Variants in FLT1 observed in about 807,000 individuals in gnomAD.
The protein encoded by FLT1 is fms related receptor tyrosine kinase 1.
A neutral mutation model predicts 156.3 loss-of-function variants in FLT1; 49 were observed. That is an observed-to-expected ratio of 0.31 (90% CI 0.25 to 0.40). The LOEUF (loss-of-function observed/expected upper bound fraction) is 0.40, where lower values mean the gene tolerates loss of function less well. Ranked by LOEUF, FLT1 falls within the 10% of genes least tolerant of loss-of-function variation. FLT1 has a pLI of 1.00. For synonymous variants in FLT1, 594 were observed against 583.8 expected (o/e 1.02, Z -0.25); for missense variants, 1,322 against 1,637.2 (o/e 0.81, Z 3.32).
chr13:28,479,488 T>C (rs867811733), intron 1 of FLT1, among the ~76,000 whole-genome samples: 1 of 152,208 alleles, frequency 6.6e-6, no homozygotes, highest in African/African-American at 2.4e-5. Context: ...TTGTAAGAGC[T>C]GTGCTTTCCT....
chr13:28,318,671 A>T (rs773886295), intron 24 of FLT1, among the ~76,000 whole-genome samples: 2 of 151,840 alleles, frequency 1.3e-5, no homozygotes, highest in Non-Finnish European at 2.9e-5. Flanking sequence ...ATTTTCACAC[A>T]TTACAGGAAA....
intron 18 of FLT1, among the ~76,000 whole-genome samples, chr13:28,330,634 A>G (rs982341321): frequency 2.1e-5 from 3 of 145,668 alleles, no homozygotes; most frequent in African/African-American, 5.3e-5. Flanking sequence ...ATATGACTAT[A>G]TATAGTCTAT....
In FLT1 at chr13:28,301,809, G is replaced by A. The variant is rs1379578423; in HGVS notation, c.*1358C>T. 3 of 233,446 alleles carry A rather than the reference G, an allele frequency of 1.3e-5. No individual in the cohort carries two copies. The highest frequency in any genetic ancestry group is 4.4e-5 in the African/African-American group (2 of 45,350). The allele number at this position is 233,446 out of a possible 1,614,324, so 14.5% of individuals were successfully genotyped here. A position where few individuals can be genotyped will look rare whatever the true frequency, so the allele number is the denominator to read the frequency against. On this transcript the variant is annotated 3_prime_UTR_variant, in exon 30 of 30. Coordinates refer to ENST00000282397, the MANE Select transcript of FLT1 (RefSeq NM_002019.4). ...CAGACCCCAGGCAAGTTTCAAAGCA[G>A]TTGAAAATGGGCTTTTCTTCTAGTG...
At chr13:28,420,440 C>T (rs768660906) in intron 10 of FLT1, among the ~76,000 whole-genome samples, 4 of 152,128 alleles carry the variant, frequency 2.6e-5, no homozygotes, top group Non-Finnish European at 5.9e-5. Flanking sequence ...ACACACACTG[C>T]ATAGAATATA....
chr13:28,351,065 T>G (rs1872723390), intron 15 of FLT1, among the ~76,000 whole-genome samples: 1 of 152,110 alleles, frequency 6.6e-6, no homozygotes, highest in Admixed American at 6.6e-5. Flanking sequence ...AGAGTAATTT[T>G]TTTTCATTGA....
chr13:28,355,429 A>T (rs977954336), intron 15 of FLT1, among the ~76,000 whole-genome samples: 2 of 152,226 alleles, frequency 1.3e-5, no homozygotes, highest in African/African-American at 4.8e-5. Flanking sequence ...GTACTGTCTC[A>T]AAGTTTATAA....
At chr13:28,376,751 T>C (rs1240720589) in intron 14 of FLT1, among the ~76,000 whole-genome samples, 1 of 152,184 alleles carries the variant, frequency 6.6e-6, no homozygotes, top group Admixed American at 6.6e-5. Flanking sequence ...TTTTACGACC[T>C]CATTGGAGAA....
At chr13:28,323,444 G>A (rs569238711) in intron 20 of FLT1, among the ~76,000 whole-genome samples, 1 of 152,222 alleles carries the variant, frequency 6.6e-6, no homozygotes, top group South Asian at 2.1e-4. Context: ...GTGAGGTCGG[G>A]AGTTTGAGAT....
intron 17 of FLT1, among the ~76,000 whole-genome samples, chr13:28,335,689 C>T (rs368069999): frequency 6.6e-6 from 1 of 152,164 alleles, no homozygotes; most frequent in Non-Finnish European, 1.5e-5. Flanking sequence ...AGAGAGAACA[C>T]TGGGGAGACG....
At chr13:28,387,178 G>T in intron 13 of FLT1, 1 of 1,035,134 alleles carries the variant, frequency 9.7e-7, no homozygotes, top group Non-Finnish European at 1.2e-6. Context: ...GCTGCAGAAC[G>T]TACATGGGAC....
At chr13:28,383,294 A>G (rs896594328) in intron 14 of FLT1, among the ~76,000 whole-genome samples, 6 of 152,148 alleles carry the variant, frequency 3.9e-5, no homozygotes, top group Non-Finnish European at 7.4e-5. Flanking sequence ...AGTTCCAAAA[A>G]CCAAAGAACT....
At chr13:28,417,460 C>T (rs1013418) in intron 10 of FLT1, among the ~76,000 whole-genome samples, 3,544 of 152,144 alleles carry the variant, frequency 0.023, 149 homozygotes, top group African/African-American at 0.08. Context: ...ATGGTCGGCT[C>T]GTTTGGCCAG....
chr13:28,464,364 T>C (rs1203445094), intron 3 of FLT1, among the ~76,000 whole-genome samples: 1 of 152,200 alleles, frequency 6.6e-6, no homozygotes, highest in East Asian at 1.9e-4. Context: ...ACATGATAAA[T>C]ACATGACCTA....
At position 28,387,868 on chromosome 13, in the gene FLT1, A is replaced by G. The variant is rs559707097; in HGVS notation, c.1969+1928T>C. On this transcript the variant is annotated intron_variant, in intron 13 of 29. Transcript: ENST00000282397. ...TTACACAGTGAACAACTAATACTCT[A>G]TGGAATTCTTAAACTCATCTCTTGG... 3 of 1,058,098 alleles carry G rather than the reference A, an allele frequency of 2.8e-6. No individual in the cohort carries two copies. The Admixed American group carries it at 1.6e-4, about 57-fold the overall frequency. 65.5% of individuals were successfully genotyped at this position (1,058,098 alleles called of 1,614,324 possible).
chr13:28,438,147 A>C (rs1204280337), intron 4 of FLT1, 74 bp downstream of exon 4: 1 of 1,462,850 alleles, frequency 6.8e-7, no homozygotes, highest in African/African-American at 1.4e-5. Flanking sequence ...TATTCCAGAA[A>C]GATAGAACGA....
intron 3 of FLT1, among the ~76,000 whole-genome samples, chr13:28,447,201 G>T (rs1878666921): frequency 6.9e-6 from 1 of 144,308 alleles, no homozygotes; most frequent in Admixed American, 7.3e-5. Flanking sequence ...ATATATATTT[G>T]CAAAAGGGTC....
In FLT1 at chr13:28,322,939, G is replaced by C; in HGVS notation, c.2804C>G (p.Ala935Gly). The change falls in exon 21 of 30, where the codon GCA (alanine) becomes GGA (glycine). Residue 935 changes from alanine (A) to glycine (G), a missense_variant. Physicochemically the swap from Ala to Gly is moderately conservative, Grantham distance 60. Coordinates refer to ENST00000282397, the MANE Select transcript of FLT1 (RefSeq NM_002019.4). The surrounding 1 kb of genome is among the most constrained non-coding windows in gnomAD (Gnocchi z 4.3). ...RDLFFLNKDA[A>G]LHMEPKKEKM... Reference sequence around the variant, plus strand: ...TTCTTTCTTAGGCTCCATGTGTAGTGCTGCATCCTTTGAAGAGACCGAAAA... The same window carrying C: ...TTCTTTCTTAGGCTCCATGTGTAGTCCTGCATCCTTTGAAGAGACCGAAAA... 1 of 1,614,112 alleles carries C rather than the reference G, an allele frequency of 6.2e-7. No homozygotes were observed.
intron 10 of FLT1, among the ~76,000 whole-genome samples, chr13:28,424,127 C>T (rs1364006078): frequency 2.0e-5 from 3 of 151,502 alleles, no homozygotes; most frequent in Non-Finnish European, 4.4e-5. Flanking sequence ...TAAGTAGTGG[C>T]GGGGTTTCAT....
At chr13:28,472,125 G>C (rs1880211704) in intron 1 of FLT1, among the ~76,000 whole-genome samples, 1 of 152,098 alleles carries the variant, frequency 6.6e-6, no homozygotes, top group African/African-American at 2.4e-5. Flanking sequence ...ATGACTCTTT[G>C]ACACAAATCC....
Sources: allele counts gnomAD v4.1 joint callset (sites outside exome capture counted in the v4.1 genomes callset), GRCh38; gene constraint gnomAD v4.1.1; non-coding constraint Gnocchi (gnomAD v3.1); transcripts MANE v1.5; gene names NCBI Gene and HGNC (gene_info 2026-07-23, HGNC 2026-07-21).